The following GLIS1 variants were observed in gnomAD, a reference collection of about 807,000 sequenced individuals.
GLIS1 encodes the protein zinc finger protein GLIS1.
Under a neutral mutation model 63.8 loss-of-function variants are expected in GLIS1, and 24 were observed. The ratio of observed to expected loss-of-function variants is 0.38; its 90% CI spans 0.27 to 0.53. The LOEUF is 0.53. GLIS1 is among the 20% of genes least tolerant of loss of function. The pLI is 0.85. For synonymous variants in GLIS1, 450 were observed against 482.5 expected (o/e 0.93, Z 0.88); for missense variants, 1,036 against 1,074.1 (o/e 0.96, Z 0.50).
chr1:53,538,044 C>T lies in GLIS1; in HGVS notation c.1321-8092G>A, dbSNP rs571449954. On this transcript the variant is annotated intron_variant, in intron 4 of 10. Transcript: ENST00000628545. ...GGCCAGCAAGCTGGGCACTGAGGGC[C>T]GCTCCTCGCTCCTGCACTCTGGGAG... Among the ~76,000 whole-genome samples, 25 of 152,356 alleles carry T rather than the reference C, an allele frequency of 1.6e-4. 1 individual carries two copies. The South Asian group carries it at 5.2e-3, about 32-fold the overall frequency.
Position 53,571,294 on chromosome 1 carries a change from G to A in GLIS1, c.1320+22814C>T, listed in dbSNP as rs372689591. 7.9e-5 allele frequency among the ~76,000 whole-genome samples: 12 copies of A among 152,284 alleles called. 1 individual carries two copies. The highest frequency in any genetic ancestry group is 1.9e-4 in the African/African-American group (8 of 41,552). On this transcript the variant is annotated intron_variant, in intron 4 of 10. Transcript: ENST00000628545. ...CAGGACTTCAATATGCTGTAGGTGC[G>A]AGTATAAGCGGAACAACCACTTTTG... is the stretch of plus-strand genomic sequence containing the variant.
chr1:53,701,671 C>T (rs1227252104), intron 2 of GLIS1, among the ~76,000 whole-genome samples: 1 of 152,174 alleles, frequency 6.6e-6, no homozygotes, highest in Non-Finnish European at 1.5e-5. Flanking sequence ...TACGTAGAGA[C>T]ACTGCTGCAA....
chr1:53,557,970 A>G lies in GLIS1; in HGVS notation c.1321-28018T>C, dbSNP rs964808188. ...TGACTCCAGTTGCTGCCAATCAAAC[A>G]TCATTAGGGGAGCCCCAAATCAAAG... is the stretch of plus-strand genomic sequence containing the variant. On this transcript the variant is annotated intron_variant, in intron 4 of 10. Coordinates refer to ENST00000628545, the MANE Select transcript of GLIS1 (RefSeq NM_001367484.1). Among the ~76,000 whole-genome samples, 8 of 152,228 alleles carry G rather than the reference A, an allele frequency of 5.3e-5. No individual in the cohort carries two copies. In the East Asian group the frequency reaches 1.3e-3, roughly 26 times the overall value.
intron 4 of GLIS1, among the ~76,000 whole-genome samples, chr1:53,538,985 A>T (rs558825708): frequency 6.6e-6 from 1 of 152,210 alleles, no homozygotes; most frequent in African/African-American, 2.4e-5. Context: ...TCTTGGGCCC[A>T]AGTGGACAGG....
intron 4 of GLIS1, among the ~76,000 whole-genome samples, chr1:53,585,901 T>C (rs1432054652): frequency 2.0e-5 from 3 of 152,222 alleles, no homozygotes; most frequent in African/African-American, 7.2e-5. Flanking sequence ...GGGGTGAGCA[T>C]CACAGCTCCC....
chr1:53,714,013 T>C (rs1287381948), intron 2 of GLIS1, among the ~76,000 whole-genome samples: 1 of 152,136 alleles, frequency 6.6e-6, no homozygotes, highest in African/African-American at 2.4e-5. Flanking sequence ...AACACCTTTT[T>C]CCCCATTTCC....
intron 2 of GLIS1, among the ~76,000 whole-genome samples, chr1:53,704,848 A>G (rs1403115608): frequency 6.6e-6 from 1 of 152,178 alleles, no homozygotes; most frequent in East Asian, 1.9e-4. Context: ...GTAACCCTCC[A>G]CATGAGGCAT....
chr1:53,708,777 G>A (rs1474375453), intron 2 of GLIS1, among the ~76,000 whole-genome samples: 1 of 152,072 alleles, frequency 6.6e-6, no homozygotes, highest in Non-Finnish European at 1.5e-5. Flanking sequence ...CAGTCCTTAT[G>A]GATAAAGTGC....
At chr1:53,528,004 G>A (rs1271648241) in intron 5 of GLIS1, among the ~76,000 whole-genome samples, 1 of 152,168 alleles carries the variant, frequency 6.6e-6, no homozygotes, top group East Asian at 1.9e-4. Flanking sequence ...CAGGGAAGGT[G>A]GCCCGAGAGG....
chr1:53,577,298 C>T (rs1645041931), intron 4 of GLIS1, among the ~76,000 whole-genome samples: 1 of 152,150 alleles, frequency 6.6e-6, no homozygotes, highest in African/African-American at 2.4e-5. Context: ...GCTGCCAGGC[C>T]TGCACCAGCA....
intron 2 of GLIS1, among the ~76,000 whole-genome samples, chr1:53,712,672 T>C (rs555552588): frequency 6.6e-6 from 1 of 152,004 alleles, no homozygotes; most frequent in African/African-American, 2.4e-5. Context: ...GGCAGTGGGG[T>C]GGGTCTGAGA....
At chr1:53,721,299 T>C (rs1413609251) in intron 2 of GLIS1, among the ~76,000 whole-genome samples, 1 of 152,104 alleles carries the variant, frequency 6.6e-6, no homozygotes, top group Non-Finnish European at 1.5e-5. Flanking sequence ...CCTGGACTAG[T>C]TCCTTCCCTC....
chr1:53,646,889 GGGAAGGAAGGAAA>G lies in GLIS1; in HGVS notation c.260-46624_260-46612del, dbSNP rs1351630231. On this transcript the variant is annotated intron_variant, in intron 2 of 10. Coordinates refer to ENST00000628545, the MANE Select transcript of GLIS1 (RefSeq NM_001367484.1). This position sits in a 1 kb window ranked among gnomAD's most constrained non-coding sequence, Gnocchi z 4.2. The stretch of plus-strand genomic sequence containing the variant: ...AAGGAAGGAAGGAAGGAGAAGGGAA[GGGAAGGAAGGAAA>G]GGAAGGAAGGGAAGGAAGGAAGGAA... Among the ~76,000 whole-genome samples the G allele has an allele frequency of 2.1e-5, 3 of 144,064 alleles. No individual in the cohort carries two copies. The highest frequency in any genetic ancestry group is 3.0e-5 in the Non-Finnish European group (2 of 66,398). 94.5% of individuals were successfully genotyped at this position (144,064 alleles called of 152,430 possible). A position where few individuals can be genotyped will look rare whatever the true frequency, so the allele number is the denominator to read the frequency against.
intron 4 of GLIS1, among the ~76,000 whole-genome samples, chr1:53,548,067 TCTG>T (rs1644722380): frequency 6.6e-6 from 1 of 152,274 alleles, no homozygotes; most frequent in African/African-American, 2.4e-5. Flanking sequence ...GGCCGCATCC[TCTG>T]CTGCTGTTTT....
chr1:53,717,984 A>C (rs1347820334), intron 2 of GLIS1, among the ~76,000 whole-genome samples: 1 of 152,254 alleles, frequency 6.6e-6, no homozygotes, highest in Non-Finnish European at 1.5e-5. Context: ...GAGATGGCTC[A>C]GGTCCACTCT....
At chr1:53,582,425 G>A (rs1645094626) in intron 4 of GLIS1, among the ~76,000 whole-genome samples, 1 of 152,224 alleles carries the variant, frequency 6.6e-6, no homozygotes, top group Non-Finnish European at 1.5e-5. Flanking sequence ...AGGAGGGAAG[G>A]TGATTTTGAC....
intron 2 of GLIS1, among the ~76,000 whole-genome samples, chr1:53,718,702 C>A (rs771264690): frequency 4.6e-5 from 7 of 152,158 alleles, no homozygotes; most frequent in African/African-American, 1.7e-4. Flanking sequence ...ATCCCCACCC[C>A]CTACTCCTAG....
At position 53,584,278 on chromosome 1, in the gene GLIS1, G is replaced by A. The variant is rs188255345; in HGVS notation, c.1320+9830C>T. Among the ~76,000 whole-genome samples, 523 of 152,284 alleles carry A rather than the reference G, an allele frequency of 3.4e-3. 4 individuals carry two copies. The highest frequency in any genetic ancestry group is 5.5e-3 in the Non-Finnish European group (371 of 68,036). On this transcript the variant is annotated intron_variant, in intron 4 of 10. Transcript: ENST00000628545. ...TTGAGGCCCTTTGAGGCTCAATTCC[G>A]ATGTTTCTGCCCTCAGCCCCCATGC...
intron 2 of GLIS1, among the ~76,000 whole-genome samples, chr1:53,705,628 G>GA (rs558175961): frequency 2.0e-5 from 3 of 151,492 alleles, no homozygotes; most frequent in Admixed American, 1.3e-4. Flanking sequence ...GTGCAGAAAA[G>GA]AAAAAAAAGG....
Sources: gnomAD v4.1 joint callset for allele counts (sites outside exome capture counted in the v4.1 genomes callset) on GRCh38, gnomAD v4.1.1 for gene constraint, Gnocchi (gnomAD v3.1) non-coding constraint, MANE v1.5 for transcripts, NCBI Gene and HGNC (gene_info 2026-07-23, HGNC 2026-07-21) for gene names.